Variants in C12orf54 observed in about 807,000 individuals in gnomAD.
C12orf54 encodes chromosome 12 open reading frame 54, also known as uncharacterized protein C12orf54.
C12orf54 carries 24 observed loss-of-function variants against 26.4 expected under a neutral mutation model. The observed-to-expected ratio is 0.91, with a 90% confidence interval of 0.66 to 1.28. The LOEUF (loss-of-function observed/expected upper bound fraction) is 1.28. Among genes scored for constraint, C12orf54 ranks in the 50% most tolerant of loss-of-function variants. C12orf54 has a pLI of 0.00. For missense variants in C12orf54, 154 were observed against 150.9 expected, an observed-to-expected ratio of 1.02 and a Z score of -0.11; for synonymous variants, 54 against 47.0, an observed-to-expected ratio of 1.15 and a Z score of -0.61.
intron 5 of C12orf54, 133 bp from the exon 6 acceptor site, chr12:48,490,679 A>G: frequency 1.1e-6 from 1 of 949,314 alleles, no homozygotes; most frequent in East Asian, 2.5e-5. Flanking sequence ...AAATCTTGGG[A>G]GTTCCATGTC....
upstream of C12orf54, among the ~76,000 whole-genome samples, chr12:48,479,029 T>A (rs1954172526): frequency 6.6e-6 from 1 of 152,128 alleles, no homozygotes; most frequent in Admixed American, 6.5e-5. Context: ...CCCAAAGGAT[T>A]AAAAATCATG....
the C12orf54 span, chr12:48,472,924 G>T: frequency 1.2e-6 from 2 of 1,614,160 alleles, no homozygotes; most frequent in Non-Finnish European, 1.7e-6. Flanking sequence ...GCAGAAAAGT[G>T]TCCAAACCTC....
chr12:48,434,981 T>G, the C12orf54 span, among the ~76,000 whole-genome samples: 1 of 152,076 alleles, frequency 6.6e-6, no homozygotes, highest in Non-Finnish European at 1.5e-5. Flanking sequence ...AGAGGAAGTT[T>G]GAACCAATGG....
intron 1 of C12orf54, 127 bp from the exon 2 acceptor site, chr12:48,483,113 T>C: frequency 1.7e-6 from 1 of 590,490 alleles, no homozygotes; most frequent in East Asian, 2.9e-5. Context: ...AGCACACACA[T>C]GCACATGCAC....
chr12:48,477,816 G>A (rs924411420), upstream of C12orf54, among the ~76,000 whole-genome samples: 4 of 152,150 alleles, frequency 2.6e-5, no homozygotes, highest in Non-Finnish European at 5.9e-5. Flanking sequence ...TCTACCAGAG[G>A]TACAAAGGGG....
chr12:48,475,617 G>A, the C12orf54 span, among the ~76,000 whole-genome samples: 1 of 152,188 alleles, frequency 6.6e-6, no homozygotes, highest in South Asian at 2.1e-4. Context: ...CTCACTAGCT[G>A]ATGCGATCAA....
At chr12:48,470,056 G>A in the C12orf54 span, among the ~76,000 whole-genome samples, 137 of 152,210 alleles carry the variant, frequency 9.0e-4, no homozygotes, top group African/African-American at 3.2e-3. Context: ...GCTATTCCAT[G>A]GTGTCTATGT....
the C12orf54 span, among the ~76,000 whole-genome samples, chr12:48,455,701 A>C: frequency 6.6e-6 from 1 of 152,244 alleles, no homozygotes; most frequent in African/African-American, 2.4e-5. Flanking sequence ...AAGAGCTAAC[A>C]GGCACTGGAA....
Position 48,494,835 on chromosome 12 carries a change from T to C in C12orf54, c.280T>C (p.Leu94=), listed in dbSNP as rs776728453. The change falls in exon 8 of 9, where the codon TTG becomes CTG. Residue 94 remains leucine, a synonymous_variant. Coordinates refer to ENST00000548364, the MANE Select transcript of C12orf54 (RefSeq NM_152319.4). ...TCCAGATTCCTTGATGACCCCAAAG[T>C]TGAGAAGATTGCAGTTCAGCTCTGG... ...RPPDSLMTPK[L]RRLQFSSGEQ... The C allele has an allele frequency of 1.9e-6, 3 of 1,613,872 alleles. No individual in the cohort carries two copies. The highest frequency in any genetic ancestry group is 1.7e-6 in the Non-Finnish European group (2 of 1,179,734).
rs201911826 is a variant in C12orf54 at position 48,494,974 on chromosome 12, C to T, written c.*35C>T. Reference sequence around the variant, plus strand: ...CAAGGAAGAAGGACATCTCTGCTTCCGCCAGGTGCTTTACCCAAGCAGCCT... The same window carrying T: ...CAAGGAAGAAGGACATCTCTGCTTCTGCCAGGTGCTTTACCCAAGCAGCCT... On this transcript the variant is annotated 3_prime_UTR_variant, in exon 8 of 9. Coordinates refer to ENST00000548364, the MANE Select transcript of C12orf54 (RefSeq NM_152319.4). 2.4e-5 allele frequency: 39 copies of T among 1,604,112 alleles called. No homozygotes were observed. The East Asian group carries it at 2.7e-4, about 11-fold the overall frequency.
At chr12:48,435,620 G>A in the C12orf54 span, among the ~76,000 whole-genome samples, 1 of 152,272 alleles carries the variant, frequency 6.6e-6, no homozygotes, top group South Asian at 2.1e-4. Context: ...CATTCTTAAA[G>A]GAAAGAATTT....
At chr12:48,476,510 G>T in the C12orf54 span, among the ~76,000 whole-genome samples, 22,463 of 152,056 alleles carry the variant, frequency 0.15, 2,885 homozygotes, top group East Asian at 0.66. Context: ...TATCTCACGT[G>T]CAGAGACACA....
At chr12:48,430,368 AC>A in the C12orf54 span, among the ~76,000 whole-genome samples, 2 of 152,194 alleles carry the variant, frequency 1.3e-5, no homozygotes, top group African/African-American at 4.8e-5. Flanking sequence ...TAAACAGACA[AC>A]CCACAGAGTA....
the C12orf54 span, among the ~76,000 whole-genome samples, chr12:48,476,313 C>A: frequency 2.0e-5 from 3 of 151,846 alleles, no homozygotes; most frequent in African/African-American, 7.3e-5. Context: ...AAAGACCATC[C>A]AGGCTAGGAA....
the C12orf54 span, among the ~76,000 whole-genome samples, chr12:48,439,381 A>G: frequency 1.3e-5 from 2 of 152,206 alleles, no homozygotes; most frequent in Non-Finnish European, 1.5e-5. Context: ...CATTTGACCC[A>G]GTCATCTCAT....
chr12:48,473,949 C>A, the C12orf54 span, among the ~76,000 whole-genome samples: 1 of 152,190 alleles, frequency 6.6e-6, no homozygotes, highest in South Asian at 2.1e-4. Context: ...GGACATTCCC[C>A]ATCTCTCATC....
chr12:48,455,003 A>G, the C12orf54 span, among the ~76,000 whole-genome samples: 1 of 152,156 alleles, frequency 6.6e-6, no homozygotes, highest in African/African-American at 2.4e-5. Flanking sequence ...CAGGTTTGTT[A>G]TGTGGGTAAA....
At chr12:48,476,611 A>G in the C12orf54 span, among the ~76,000 whole-genome samples, 1 of 152,200 alleles carries the variant, frequency 6.6e-6, no homozygotes, top group Non-Finnish European at 1.5e-5. Flanking sequence ...CTCTGATAAA[A>G]CAGACTTTAA....
At chr12:48,423,777 A>G in the C12orf54 span, among the ~76,000 whole-genome samples, 1 of 152,064 alleles carries the variant, frequency 6.6e-6, no homozygotes, top group Non-Finnish European at 1.5e-5. Context: ...AATTTTCTCC[A>G]TTAATCTATT....
Sources: allele counts gnomAD v4.1 joint callset (sites outside exome capture counted in the v4.1 genomes callset), GRCh38; gene constraint gnomAD v4.1.1; transcripts MANE v1.5; gene names NCBI Gene and HGNC (gene_info 2026-07-23, HGNC 2026-07-21).